Variants in FAT3 observed in about 807,000 individuals in gnomAD.
FAT3 encodes the protein FAT atypical cadherin 3.
In FAT3, 95 loss-of-function variants were observed where a neutral mutation model predicts 310.2. The observed-to-expected ratio is 0.31, with a 90% confidence interval of 0.26 to 0.36. FAT3 has a LOEUF of 0.36. Among genes scored for constraint, FAT3 ranks in the 10% least tolerant of loss-of-function variants. The probability of loss-of-function intolerance (pLI) is 1.00; values close to 1 mark genes in which losing one functional copy is unlikely to be tolerated. For synonymous variants in FAT3, 2,314 were observed against 2,192.9 expected, an observed-to-expected ratio of 1.06 and a Z score of -1.54; for missense variants, 5,408 against 5,715.6, an observed-to-expected ratio of 0.95 and a Z score of 1.74.
chr11:92,775,063 C>G (rs1946564001), intron 7 of FAT3, among the ~76,000 whole-genome samples: 1 of 152,132 alleles, frequency 6.6e-6, no homozygotes, highest in Admixed American at 6.6e-5. Flanking sequence ...TGTAACCCCT[C>G]TCTTAGTCCC....
intron 4 of FAT3, among the ~76,000 whole-genome samples, chr11:92,744,866 T>A (rs924731823): frequency 1.3e-5 from 2 of 152,236 alleles, no homozygotes; most frequent in African/African-American, 2.4e-5. Flanking sequence ...CTAATTTCTG[T>A]AAATTGATCT....
chr11:92,302,278 T>TA (rs1361783230), intron 1 of FAT3, among the ~76,000 whole-genome samples: 1 of 151,914 alleles, frequency 6.6e-6, no homozygotes, highest in East Asian at 1.9e-4. Flanking sequence ...GGTTTTACAT[T>TA]ACAGAAACCG....
At chr11:92,384,514 C>A (rs906312731) in intron 2 of FAT3, among the ~76,000 whole-genome samples, 1 of 152,162 alleles carries the variant, frequency 6.6e-6, no homozygotes, top group Non-Finnish European at 1.5e-5. Flanking sequence ...AATTCCTCCC[C>A]CAGCCCTTTG....
At chr11:92,317,958 T>A (rs1298214106) in intron 1 of FAT3, among the ~76,000 whole-genome samples, 7 of 152,214 alleles carry the variant, frequency 4.6e-5, no homozygotes, top group Admixed American at 4.6e-4. Context: ...AGGGAGTTAT[T>A]CTCAATCTTC....
At chr11:92,767,893 AT>A (rs1304923477) in intron 6 of FAT3, among the ~76,000 whole-genome samples, 1 of 152,104 alleles carries the variant, frequency 6.6e-6, no homozygotes, top group Non-Finnish European at 1.5e-5. Context: ...AACCCTACTG[AT>A]GCCTCCTGGA....
intron 3 of FAT3, among the ~76,000 whole-genome samples, chr11:92,614,701 G>C (rs1322954292): frequency 6.6e-6 from 1 of 152,096 alleles, no homozygotes; most frequent in Non-Finnish European, 1.5e-5. Context: ...AAGAAAAAAA[G>C]TTTTACAATT....
At chr11:92,837,569 A>G in intron 16 of FAT3, 94 bp from the exon 17 acceptor site, 2 of 1,473,864 alleles carry the variant, frequency 1.4e-6, no homozygotes, top group Non-Finnish European at 9.2e-7. Context: ...TTGCTCTTTA[A>G]CAAAGCACAG....
intron 4 of FAT3, among the ~76,000 whole-genome samples, chr11:92,737,546 T>A (rs1565553343): frequency 6.6e-6 from 1 of 150,640 alleles, no homozygotes; most frequent in Non-Finnish European, 1.5e-5. Flanking sequence ...TCTGTGTGTG[T>A]GAGAGAGAGA....
intron 2 of FAT3, among the ~76,000 whole-genome samples, chr11:92,429,743 C>T (rs188265140): frequency 2.9e-4 from 44 of 152,298 alleles, no homozygotes; most frequent in African/African-American, 8.2e-4. Context: ...GCAGAGAGAT[C>T]TGCTTTTAGT....
intron 2 of FAT3, among the ~76,000 whole-genome samples, chr11:92,387,094 GTGTGTGTGTGTGTGTGTA>G (rs1949643136): frequency 1.0e-5 from 1 of 95,364 alleles, no homozygotes; most frequent in Non-Finnish European, 2.5e-5. Context: ...GTGTGTGTGT[GTGTGTGTGTGTGTGTGTA>G]ACAGAGGGAA....
At chr11:92,452,370 T>G (rs1951378060) in intron 2 of FAT3, among the ~76,000 whole-genome samples, 1 of 152,164 alleles carries the variant, frequency 6.6e-6, no homozygotes, top group Non-Finnish European at 1.5e-5. Context: ...TTTACAGTAA[T>G]TTTAGATAAC....
At chr11:92,875,561 G>A (rs866896119) in intron 22 of FAT3, among the ~76,000 whole-genome samples, 5 of 152,006 alleles carry the variant, frequency 3.3e-5, no homozygotes, top group Middle Eastern at 3.4e-3. Flanking sequence ...GGGTGTGCTG[G>A]TAAACCAGTT....
intron 17 of FAT3, among the ~76,000 whole-genome samples, chr11:92,840,072 A>G (rs1948498572): frequency 6.6e-6 from 1 of 152,222 alleles, no homozygotes; most frequent in African/African-American, 2.4e-5. Flanking sequence ...ATGCCTTTGT[A>G]TATTGACTAG....
At chr11:92,481,040 G>A (rs1182866143) in intron 2 of FAT3, among the ~76,000 whole-genome samples, 1 of 152,164 alleles carries the variant, frequency 6.6e-6, no homozygotes, top group Admixed American at 6.5e-5. Context: ...GATTAAGAGT[G>A]TACTTCATTT....
chr11:92,855,310 T>G (rs1009878233), intron 19 of FAT3, among the ~76,000 whole-genome samples: 5 of 152,214 alleles, frequency 3.3e-5, no homozygotes. Context: ...CATGCCTGAG[T>G]TAAAATATTC....
intron 2 of FAT3, among the ~76,000 whole-genome samples, chr11:92,438,757 T>C (rs1951003632): frequency 6.6e-6 from 1 of 152,190 alleles, no homozygotes; most frequent in African/African-American, 2.4e-5. Context: ...AAGACCATGT[T>C]GTCTAATGTT....
At chr11:92,645,148 TA>T (rs1942102969) in intron 3 of FAT3, among the ~76,000 whole-genome samples, 2 of 152,188 alleles carry the variant, frequency 1.3e-5, no homozygotes, top group South Asian at 4.1e-4. Context: ...AAATGTAAGA[TA>T]AAAAACATAA....
intron 3 of FAT3, among the ~76,000 whole-genome samples, chr11:92,544,359 G>A (rs1294023772): frequency 6.6e-6 from 1 of 151,962 alleles, no homozygotes; most frequent in Non-Finnish European, 1.5e-5. Flanking sequence ...TAGCTAGAAG[G>A]GAATAAGTCA....
Position 92,670,941 on chromosome 11 carries a change from A to T in FAT3, c.3608-26443A>T, listed in dbSNP as rs144173366. 5.4e-3 allele frequency among the ~76,000 whole-genome samples: 825 copies of T among 152,242 alleles called. 10 individuals carry two copies. Among genetic ancestry groups the T allele is most frequent in the African/African-American group, 0.018 (756 of 41,546 alleles). ...CCCTTAAGTAGCTTTCCATTGCTATAAAACTAAATTTTTAAAAAATCCCAA... is the reference window on the plus strand; with the variant it reads ...CCCTTAAGTAGCTTTCCATTGCTATTAAACTAAATTTTTAAAAAATCCCAA... On this transcript the variant is annotated intron_variant, in intron 3 of 27. Coordinates refer to ENST00000525166, the MANE Select transcript of FAT3 (RefSeq NM_001367949.2).
Sources: gnomAD v4.1 joint callset for allele counts (sites outside exome capture counted in the v4.1 genomes callset) on GRCh38, gnomAD v4.1.1 for gene constraint, MANE v1.5 for transcripts, NCBI Gene and HGNC (gene_info 2026-07-23, HGNC 2026-07-21) for gene names.